Variants in RGPD4 observed in about 807,000 individuals in gnomAD.
The protein encoded by RGPD4 is RANBP2 like and GRIP domain containing 4.
In RGPD4, 84 loss-of-function variants were observed where a neutral mutation model predicts 141.1. The ratio of observed to expected loss-of-function variants is 0.60; its 90% CI spans 0.50 to 0.71. The LOEUF (loss-of-function observed/expected upper bound fraction) is 0.71. RGPD4 is among the 30% of genes least tolerant of loss of function. The probability of loss-of-function intolerance (pLI) is 0.00; values close to 1 mark genes in which losing one functional copy is unlikely to be tolerated. For missense variants in RGPD4, 918 were observed against 1,622.4 expected, an observed-to-expected ratio of 0.57 and a Z score of 7.46; for synonymous variants, 298 against 566.8, an observed-to-expected ratio of 0.53 and a Z score of 6.74.
At chr2:107,857,628 T>C (rs1439321512) in intron 9 of RGPD4, among the ~76,000 whole-genome samples, 1 of 151,308 alleles carries the variant, frequency 6.6e-6, no homozygotes, top group Admixed American at 6.6e-5. Flanking sequence ...AGAGACAGGG[T>C]CTCCCTTTGT....
intron 12 of RGPD4, 112 bp downstream of exon 12, chr2:107,859,957 G>A: frequency 1.6e-6 from 2 of 1,275,736 alleles, no homozygotes; most frequent in Non-Finnish European, 1.0e-6. Flanking sequence ...GTCATATTAT[G>A]ACAGATGTGT....
At chr2:107,830,628 T>C (rs1681450914) in intron 1 of RGPD4, among the ~76,000 whole-genome samples, 1 of 151,934 alleles carries the variant, frequency 6.6e-6, no homozygotes, top group Non-Finnish European at 1.5e-5. Flanking sequence ...AACTGGAACA[T>C]GTGAAGCTAT....
chr2:107,852,996 A>G (rs2104441396), intron 7 of RGPD4, among the ~76,000 whole-genome samples: 1 of 151,044 alleles, frequency 6.6e-6, no homozygotes, highest in Non-Finnish European at 1.5e-5. Context: ...GTAATTTAGC[A>G]ATGATTAACT....
intron 1 of RGPD4, among the ~76,000 whole-genome samples, chr2:107,830,910 T>G (rs1044742579): frequency 6.6e-5 from 10 of 152,172 alleles, no homozygotes; most frequent in Admixed American, 1.3e-4. Context: ...TTCTACTCCC[T>G]CACATGTGCT....
rs1459703385 is a variant in RGPD4 at position 107,882,729 on chromosome 2, G to A, written c.5122G>A (p.Ala1708Thr). ...GAATCAAGAGCAAGAGGAGTCTGCA[G>A]CTAACGTGGAACACTTGAAGAACGT... ...ERNQEQEESA[A>T]NVEHLKNVLL... Residue 1708 changes from alanine to threonine, a missense_variant, in exon 22 of 23, where the codon GCT (alanine) becomes ACT (threonine). Transcript: ENST00000408999. 3.1e-5 allele frequency: 50 copies of A among 1,611,560 alleles called. 1 individual carries two copies. Among genetic ancestry groups the A allele is most frequent in the African/African-American group, 4.0e-5 (3 of 74,524 alleles).
chr2:107,875,599 G>T (rs962878678), intron 20 of RGPD4, among the ~76,000 whole-genome samples: 2 of 146,114 alleles, frequency 1.4e-5, no homozygotes, highest in South Asian at 2.2e-4. Context: ...GCATATAGAA[G>T]TTTTTTCTGT....
rs544450894 is a variant in RGPD4, at chr2:107,859,505, C to A, written c.1585C>A (p.Gln529Lys). 43 of 1,611,224 alleles carry A rather than the reference C, an allele frequency of 2.7e-5. 1 individual carries two copies. In the East Asian group the frequency reaches 8.7e-4, roughly 33 times the overall value. The change falls in exon 11 of 23, where the codon CAA becomes AAA. Residue 529 changes from glutamine to lysine, a missense_variant. Transcript: ENST00000408999. ...PVCKQLCTER[Q>K]KSWWDAVCTL... ...ATGTAAACAGCTTTGTACAGAAAGA[C>A]AAAAATCTTGGTGGGATGCGGTTTG...
chr2:107,877,878 A>T (rs1482535158), intron 20 of RGPD4, among the ~76,000 whole-genome samples: 2 of 151,638 alleles, frequency 1.3e-5, no homozygotes, highest in African/African-American at 4.9e-5. Flanking sequence ...CAGTGGCGTG[A>T]TCTTGGCTCA....
At chr2:107,884,033 G>A (rs976973329) in intron 22 of RGPD4, among the ~76,000 whole-genome samples, 2 of 151,814 alleles carry the variant, frequency 1.3e-5, no homozygotes, top group African/African-American at 4.8e-5. Flanking sequence ...CTGTGTTATT[G>A]TGAATGTCTT....
At chr2:107,877,795 T>G (rs1683131468) in intron 20 of RGPD4, among the ~76,000 whole-genome samples, 1 of 151,812 alleles carries the variant, frequency 6.6e-6, no homozygotes, top group Non-Finnish European at 1.5e-5. Context: ...AGTTAAAAGT[T>G]TGATGACTAA....
At chr2:107,844,830 G>GTTTTTTTTTTTTTTTTTTTTTTTTTTTTT (rs1222283120) in intron 6 of RGPD4, among the ~76,000 whole-genome samples, 1 of 26,174 alleles carries the variant, frequency 3.8e-5, no homozygotes, top group African/African-American at 1.5e-4. Flanking sequence ...TTTCTTTTTT[G>GTTTTTTTTTTTTTTTTTTTTTTTTTTTTT]TTTTTTTTTT....
intron 22 of RGPD4, among the ~76,000 whole-genome samples, chr2:107,887,293 T>G (rs1360528811): frequency 2.0e-5 from 3 of 152,136 alleles, no homozygotes; most frequent in Admixed American, 6.6e-5. Context: ...ATGTGAAACA[T>G]TAGAATATGT....
rs1316027180 is a variant in RGPD4 at position 107,871,989 on chromosome 2, GA to G, written c.3986del (p.Glu1329GlyfsTer16). The G allele has an allele frequency of 6.2e-7, 1 of 1,611,386 alleles. No homozygotes were observed. The highest frequency in any genetic ancestry group is 1.3e-5 in the African/African-American group (1 of 74,414). On this transcript the variant is annotated frameshift_variant, in exon 20 of 23. Coordinates refer to ENST00000408999, the MANE Select transcript of RGPD4 (RefSeq NM_182588.3). LOFTEE classifies it high-confidence loss of function. ...DEESDVTQEE[E>X]RDGQYFEPVV... Reference sequence around the variant, plus strand: ...AGAATCTGATGTTACTCAAGAAGAAGAGAGAGATGGACAGTACTTTGAACCT... The same window carrying G: ...AGAATCTGATGTTACTCAAGAAGAAGGAGAGATGGACAGTACTTTGAACCT...
At chr2:107,849,665 C>G (rs1682071405) in intron 7 of RGPD4, among the ~76,000 whole-genome samples, 1 of 96,664 alleles carries the variant, frequency 1.0e-5, no homozygotes, top group Non-Finnish European at 2.2e-5. Flanking sequence ...GCCACCATGC[C>G]CAGCCTTTTT....
chr2:107,878,511 C>A (rs1030687197), intron 20 of RGPD4, among the ~76,000 whole-genome samples: 1 of 151,666 alleles, frequency 6.6e-6, no homozygotes, highest in Non-Finnish European at 1.5e-5. Context: ...TAAATATGTT[C>A]TTCTTTAATT....
At chr2:107,853,776 C>T (rs1307177863) in intron 7 of RGPD4, among the ~76,000 whole-genome samples, 3 of 69,236 alleles carry the variant, frequency 4.3e-5, no homozygotes, top group African/African-American at 1.2e-4. Context: ...GAGATAGGGT[C>T]TCACTCTGTC....
intron 17 of RGPD4, among the ~76,000 whole-genome samples, chr2:107,863,488 A>ATATTT (rs1486442880): frequency 1.5e-5 from 2 of 133,796 alleles, no homozygotes; most frequent in Non-Finnish European, 3.2e-5. Context: ...ACCCTTTTCC[A>ATATTT]TATTTTATTT....
intron 6 of RGPD4, among the ~76,000 whole-genome samples, chr2:107,845,572 G>T (rs1293479361): frequency 2.6e-5 from 4 of 152,104 alleles, no homozygotes; most frequent in Non-Finnish European, 4.4e-5. Flanking sequence ...TCACAGTGTG[G>T]CTTAGGGCTG....
chr2:107,858,448 CT>C (rs1179268616), intron 9 of RGPD4, among the ~76,000 whole-genome samples: 38 of 139,090 alleles, frequency 2.7e-4, no homozygotes, highest in Admixed American at 4.2e-4. Flanking sequence ...CTTTTCTTTT[CT>C]TTTTTTTGAG....
Sources: allele counts gnomAD v4.1 joint callset (sites outside exome capture counted in the v4.1 genomes callset), GRCh38; gene constraint gnomAD v4.1.1; transcripts MANE v1.5; gene names NCBI Gene and HGNC (gene_info 2026-07-23, HGNC 2026-07-21).